Variants in VEPH1 observed in about 807,000 individuals in gnomAD.
The protein encoded by VEPH1 is ventricular zone-expressed PH domain-containing protein homolog 1.
A neutral mutation model predicts 85.2 loss-of-function variants in VEPH1; 80 were observed. The observed-to-expected ratio is 0.94, with a 90% CI of 0.78 to 1.13. The LOEUF (loss-of-function observed/expected upper bound fraction) is 1.13, where lower values mean the gene tolerates loss of function less well. Among genes scored for constraint, VEPH1 ranks in the 50% most tolerant of loss-of-function variants. The pLI, the probability that VEPH1 is intolerant of heterozygous loss-of-function variation, is 0.00. For missense variants in VEPH1, 955 were observed against 980.5 expected (o/e 0.97, Z 0.35); for synonymous variants, 297 against 348.0 (o/e 0.85, Z 1.63).
intron 9 of VEPH1, among the ~76,000 whole-genome samples, chr3:157,330,040 C>T (rs1211053266): frequency 6.6e-6 from 1 of 152,156 alleles, no homozygotes; most frequent in Non-Finnish European, 1.5e-5. Flanking sequence ...CTGGAATGGA[C>T]TTTGAGTGGT....
At chr3:157,400,288 T>C (rs1292728420) in intron 6 of VEPH1, among the ~76,000 whole-genome samples, 1 of 152,134 alleles carries the variant, frequency 6.6e-6, no homozygotes, top group Non-Finnish European at 1.5e-5. Context: ...TTTTGTAACA[T>C]GTTAAAAATT....
intron 12 of VEPH1, among the ~76,000 whole-genome samples, chr3:157,269,482 A>G (rs13319063): frequency 0.11 from 17,376 of 152,196 alleles, 1,560 homozygotes; most frequent in African/African-American, 0.25. Flanking sequence ...TGAGGCCCCA[A>G]ATTTAGGTGT....
intron 4 of VEPH1, among the ~76,000 whole-genome samples, chr3:157,448,043 CAT>C (rs1415501262): frequency 6.6e-6 from 1 of 151,782 alleles, no homozygotes; most frequent in Admixed American, 6.6e-5. Flanking sequence ...TTGTACAAAA[CAT>C]AGATATTTTA....
intron 12 of VEPH1, among the ~76,000 whole-genome samples, chr3:157,282,260 C>G (rs1243917837): frequency 6.6e-6 from 1 of 151,980 alleles, no homozygotes; most frequent in Non-Finnish European, 1.5e-5. Flanking sequence ...AGTGGCTATT[C>G]ATAGGCATGA....
At chr3:157,468,862 T>C (rs1172129188) in intron 3 of VEPH1, among the ~76,000 whole-genome samples, 1 of 152,146 alleles carries the variant, frequency 6.6e-6, no homozygotes, top group East Asian at 1.9e-4. Context: ...ATTCTTTTTC[T>C]CCCTCTTCAC....
At chr3:157,281,757 C>G (rs898636156) in intron 12 of VEPH1, among the ~76,000 whole-genome samples, 4 of 152,022 alleles carry the variant, frequency 2.6e-5, no homozygotes, top group Admixed American at 6.6e-5. Context: ...AGGATGGTCT[C>G]GATTTCCTGA....
chr3:157,424,253 G>A lies in VEPH1; in HGVS notation c.696+4069C>T, dbSNP rs143015605. 9.0e-3 allele frequency among the ~76,000 whole-genome samples: 1,373 copies of A among 152,228 alleles called. 8 individuals are homozygous for A. The highest frequency in any genetic ancestry group is 0.017 in the Middle Eastern group (5 of 294). The stretch of plus-strand genomic sequence containing the variant: ...TGCCACCATGTAAGAAGTGCCTTTT[G>A]CCTCCTGCCATGATTCTGAGGCCTC... On this transcript the variant is annotated intron_variant, in intron 5 of 13. Coordinates refer to ENST00000362010, the MANE Select transcript of VEPH1 (RefSeq NM_001167912.2).
At chr3:157,425,567 C>T (rs560649146) in intron 5 of VEPH1, among the ~76,000 whole-genome samples, 1 of 152,310 alleles carries the variant, frequency 6.6e-6, no homozygotes, top group South Asian at 2.1e-4. Flanking sequence ...TGCGTGGGAC[C>T]TGTAGCCCCT....
intron 5 of VEPH1, among the ~76,000 whole-genome samples, chr3:157,421,957 GAGTTCACCCTCTCCTCATTTTGTT>G (rs1732376711): frequency 6.6e-6 from 1 of 152,088 alleles, no homozygotes; most frequent in Non-Finnish European, 1.5e-5. Context: ...AGCAGAATGT[GAGTTCACCCTCTCCTCATTTTGTT>G]TACTCTCCTT....
chr3:157,424,062 T>G (rs1462642932), intron 5 of VEPH1, among the ~76,000 whole-genome samples: 1 of 152,184 alleles, frequency 6.6e-6, no homozygotes, highest in Non-Finnish European at 1.5e-5. Flanking sequence ...CATGTTGAAT[T>G]GTACTCCCAT....
intron 2 of VEPH1, among the ~76,000 whole-genome samples, chr3:157,473,067 CTTTT>C (rs200991031): frequency 1.2e-5 from 1 of 82,676 alleles, no homozygotes; most frequent in African/African-American, 5.7e-5. Context: ...TTAAATGAAC[CTTTT>C]TTTTTTTTTT....
intron 4 of VEPH1, among the ~76,000 whole-genome samples, chr3:157,450,820 C>T (rs189099294): frequency 1.1e-4 from 16 of 152,046 alleles, no homozygotes; most frequent in South Asian, 2.1e-4. Flanking sequence ...TAGGTCATTA[C>T]GCATTTATAA....
intron 6 of VEPH1, among the ~76,000 whole-genome samples, chr3:157,408,489 A>G (rs1236213929): frequency 1.3e-5 from 2 of 152,146 alleles, no homozygotes; most frequent in Non-Finnish European, 2.9e-5. Flanking sequence ...ATTCTCAAGT[A>G]CTCATTCAGT....
At chr3:157,368,911 C>T (rs574707035) in intron 7 of VEPH1, among the ~76,000 whole-genome samples, 246 of 151,932 alleles carry the variant, frequency 1.6e-3, no homozygotes, top group Non-Finnish European at 1.4e-3. Flanking sequence ...AACTGAAATT[C>T]AACTGGGTGT....
In VEPH1 at chr3:157,313,575, A is replaced by G. The variant is rs1278376899; in HGVS notation, c.2010+46T>C. The G allele has an allele frequency of 9.4e-6, 15 of 1,593,056 alleles. No homozygotes were observed. In the Admixed American group the frequency reaches 1.6e-4, roughly 17 times the overall value. ...AAAAAAGGGAAACTGTTTCAAGACA[A>G]TCTTAAATCTTGGCCTGTAACATGG... On this transcript the variant is annotated intron_variant, in intron 11 of 13. Coordinates refer to ENST00000362010, the MANE Select transcript of VEPH1 (RefSeq NM_001167912.2).
At chr3:157,473,206 G>A (rs1347367751) in intron 2 of VEPH1, among the ~76,000 whole-genome samples, 3 of 151,272 alleles carry the variant, frequency 2.0e-5, no homozygotes, top group Non-Finnish European at 4.4e-5. Flanking sequence ...TGGAGTAGCT[G>A]GGACTATAGG....
At chr3:157,287,099 G>A (rs187388859) in intron 11 of VEPH1, among the ~76,000 whole-genome samples, 220 of 152,282 alleles carry the variant, frequency 1.4e-3, no homozygotes, top group African/African-American at 5.0e-3. Flanking sequence ...TTGGCCGGGC[G>A]TGGTGGGTCA....
intron 3 of VEPH1, among the ~76,000 whole-genome samples, chr3:157,467,111 GTGTGTGTGTGTGTA>G (rs553176797): frequency 0.021 from 2,693 of 127,950 alleles, 39 homozygotes; most frequent in Middle Eastern, 0.067. Flanking sequence ...AAAAAGAAAA[GTGTGTGTGTGTGTA>G]TGTGTGTGTG....
chr3:157,391,154 G>C (rs1483057895), intron 6 of VEPH1, among the ~76,000 whole-genome samples: 1 of 152,252 alleles, frequency 6.6e-6, no homozygotes, highest in African/African-American at 2.4e-5. Flanking sequence ...GTCTGGGCCA[G>C]TAGTGTGAGT....
Sources: allele counts gnomAD v4.1 joint callset (sites outside exome capture counted in the v4.1 genomes callset), GRCh38; gene constraint gnomAD v4.1.1; transcripts MANE v1.5; gene names NCBI Gene and HGNC (gene_info 2026-07-23, HGNC 2026-07-21).